PALM2AKAP2: variants seen among roughly 807,000 people sequenced by gnomAD.
PALM2AKAP2 encodes the protein PALM2 and AKAP2 fusion.
PALM2AKAP2 carries 37 observed loss-of-function variants against 71.5 expected under a neutral mutation model. The observed-to-expected ratio is 0.52, with a 90% CI of 0.40 to 0.68. The LOEUF (loss-of-function observed/expected upper bound fraction) is 0.68. Ranked by LOEUF, PALM2AKAP2 falls within the 30% of genes least tolerant of loss-of-function variation. The probability of loss-of-function intolerance (pLI) is 0.00; values close to 1 mark genes in which losing one functional copy is unlikely to be tolerated. For synonymous variants in PALM2AKAP2, 468 were observed against 478.8 expected, an observed-to-expected ratio of 0.98 and a Z score of 0.29; for missense variants, 1,224 against 1,191.8, an observed-to-expected ratio of 1.03 and a Z score of -0.40.
At chr9:109,735,926 A>C (rs1311696744) in intron 1 of PALM2AKAP2, among the ~76,000 whole-genome samples, 1 of 152,208 alleles carries the variant, frequency 6.6e-6, no homozygotes, top group African/African-American at 2.4e-5. Context: ...TCGTTCTCAG[A>C]TGTTAAGGAC....
intron 1 of PALM2AKAP2, among the ~76,000 whole-genome samples, chr9:110,126,608 A>G (rs1300762021): frequency 6.6e-6 from 1 of 152,128 alleles, no homozygotes; most frequent in Non-Finnish European, 1.5e-5. Context: ...TGAAACTCAC[A>G]TCTCTCCTTA....
chr9:109,815,040 T>C (rs1214379968), intron 1 of PALM2AKAP2, among the ~76,000 whole-genome samples: 1 of 152,152 alleles, frequency 6.6e-6, no homozygotes, highest in Non-Finnish European at 1.5e-5. Flanking sequence ...CAGAGGTGGC[T>C]ATCTTGATAC....
At chr9:109,657,934 G>GTGTT (rs1244561004) in intron 1 of PALM2AKAP2, among the ~76,000 whole-genome samples, 1 of 125,838 alleles carries the variant, frequency 7.9e-6, no homozygotes, top group Non-Finnish European at 1.7e-5. Context: ...AGATTTGTGT[G>GTGTT]TGTTTGTGTG....
At chr9:109,663,835 G>A (rs12341762) in intron 1 of PALM2AKAP2, among the ~76,000 whole-genome samples, 17,267 of 152,086 alleles carry the variant, frequency 0.11, 1,267 homozygotes, top group Non-Finnish European at 0.16. Flanking sequence ...TCTCTTTGTA[G>A]GTCTCTAAGG....
chr9:110,148,726 G>C (rs921255415), intron 2 of PALM2AKAP2: 1 of 152,210 alleles, frequency 6.6e-6, no homozygotes, highest in Non-Finnish European at 1.5e-5. Context: ...GTTCGGTTCA[G>C]TTTGGTTTTT....
At chr9:110,141,925 G>C (rs554847667) in intron 2 of PALM2AKAP2, among the ~76,000 whole-genome samples, 1 of 152,178 alleles carries the variant, frequency 6.6e-6, no homozygotes, top group East Asian at 1.9e-4. Context: ...CATCCCCCTG[G>C]TGTGGAAATG....
chr9:110,137,917 G>A (rs769186624), exon 2 of PALM2AKAP2: 19 of 1,614,030 alleles, frequency 1.2e-5, no homozygotes, highest in Admixed American at 5.0e-5. Context: ...GGGACTCTCC[G>A]TTGGTTGATG....
At chr9:109,866,503 T>C (rs1053656289) in intron 1 of PALM2AKAP2, among the ~76,000 whole-genome samples, 1 of 152,148 alleles carries the variant, frequency 6.6e-6, no homozygotes, top group Non-Finnish European at 1.5e-5. Context: ...TTGTCCACAT[T>C]GGAGAAGTAT....
chr9:110,007,426 A>G (rs770565843), intron 6 of PALM2AKAP2, among the ~76,000 whole-genome samples: 6 of 152,222 alleles, frequency 3.9e-5, no homozygotes, highest in Non-Finnish European at 7.3e-5. Context: ...AACAAATCCC[A>G]AGAAATTCTA....
chr9:109,920,618 A>G (rs144944368), intron 3 of PALM2AKAP2, among the ~76,000 whole-genome samples: 1 of 152,152 alleles, frequency 6.6e-6, no homozygotes, highest in African/African-American at 2.4e-5. Flanking sequence ...AACCTCAGGT[A>G]TACGCCTGCC....
intron 1 of PALM2AKAP2, among the ~76,000 whole-genome samples, chr9:109,657,533 G>C (rs148348825): frequency 6.6e-6 from 1 of 151,502 alleles, no homozygotes; most frequent in South Asian, 2.1e-4. Flanking sequence ...GAAATACAGC[G>C]GAAGAGAGGA....
At chr9:110,126,772 A>G (rs1835616466) in intron 1 of PALM2AKAP2, among the ~76,000 whole-genome samples, 1 of 151,994 alleles carries the variant, frequency 6.6e-6, no homozygotes, top group Admixed American at 6.5e-5. Context: ...CACCACACAC[A>G]CTGTCTTCAG....
intron 1 of PALM2AKAP2, among the ~76,000 whole-genome samples, chr9:109,686,818 C>A: frequency 7.9e-6 from 1 of 126,156 alleles, no homozygotes; most frequent in African/African-American, 2.9e-5. Context: ...CTAGTGCTAT[C>A]CCTCCCCCCT....
At chr9:109,747,282 G>A (rs965117291) in intron 1 of PALM2AKAP2, among the ~76,000 whole-genome samples, 2 of 152,128 alleles carry the variant, frequency 1.3e-5, no homozygotes, top group Admixed American at 1.3e-4. Flanking sequence ...AGGCCACCAC[G>A]CTGATTTTCA....
chr9:109,959,371 G>C (rs1284911865), intron 6 of PALM2AKAP2, among the ~76,000 whole-genome samples: 1 of 152,038 alleles, frequency 6.6e-6, no homozygotes, highest in Non-Finnish European at 1.5e-5. Flanking sequence ...CCAGGCCAGG[G>C]GTGGTGGCTC....
intron 1 of PALM2AKAP2, chr9:110,090,445 T>G: frequency 2.2e-6 from 1 of 456,704 alleles, no homozygotes; most frequent in South Asian, 1.5e-5. Context: ...TACTGTGGAC[T>G]TTTGCTTGCT....
chr9:109,738,824 TGTCTA>T (rs1828676373), intron 1 of PALM2AKAP2, among the ~76,000 whole-genome samples: 1 of 152,188 alleles, frequency 6.6e-6, no homozygotes, highest in Non-Finnish European at 1.5e-5. Context: ...ATTAAAAAAA[TGTCTA>T]GTTTTTTCCA....
At chr9:109,705,031 A>T (rs912980388) in intron 1 of PALM2AKAP2, among the ~76,000 whole-genome samples, 1 of 152,206 alleles carries the variant, frequency 6.6e-6, no homozygotes, top group African/African-American at 2.4e-5. Flanking sequence ...AAGAAAGATG[A>T]TCATAACTAG....
chr9:109,942,079 T>C (rs1317564109), intron 6 of PALM2AKAP2, among the ~76,000 whole-genome samples: 1 of 152,224 alleles, frequency 6.6e-6, no homozygotes, highest in African/African-American at 2.4e-5. Context: ...CTTGTTCTTT[T>C]CTTAGTTCTT....
Sources: allele counts gnomAD v4.1 joint callset (sites outside exome capture counted in the v4.1 genomes callset), GRCh38; gene constraint gnomAD v4.1.1; transcripts MANE v1.5; gene names NCBI Gene and HGNC (gene_info 2026-07-23, HGNC 2026-07-21).